The following IER5 variants were observed in gnomAD, a reference collection of about 807,000 sequenced individuals.
IER5 encodes immediate early response gene 5 protein.
IER5 carries 3 observed loss-of-function variants against 8.2 expected under a neutral mutation model. That is an observed-to-expected ratio of 0.36 (90% CI 0.17 to 0.94). The LOEUF is 0.94. Ranked by LOEUF, IER5 falls within the 40% of genes least tolerant of loss-of-function variation. The pLI, the probability that IER5 is intolerant of heterozygous loss-of-function variation, is 0.43. For synonymous variants in IER5, 286 were observed against 230.1 expected (o/e 1.24, Z -2.20); for missense variants, 531 against 494.3 (o/e 1.07, Z -0.70).
In IER5 at chr1:181,089,696, A is replaced by G; in HGVS notation, c.794A>G (p.Asn265Ser). The change falls in exon 1 of 1, where the codon AAC becomes AGC. Residue 265 changes from asparagine to serine, a missense_variant. Asn to Ser is a conservative substitution (Grantham distance 46, BLOSUM62 1). Transcript: ENST00000367577. ...GACGCGGAGGAGATGGAGACCGGGA[A>G]CGTGGCTAACCTCATCAGCATCTTC... ...DDDAEEMETG[N>S]VANLISIFGS... 6.2e-7 allele frequency: 1 copy of G among 1,613,570 alleles called. No individual in the cohort carries two copies. The highest frequency in any genetic ancestry group is 8.5e-7 in the Non-Finnish European group (1 of 1,179,960).
In IER5 at chr1:181,089,859, C is replaced by T; in HGVS notation, c.957C>T (p.Pro319=). The change falls in exon 1 of 1, where the codon CCC becomes CCT. Residue 319 remains proline, a synonymous_variant. Coordinates refer to ENST00000367577, the MANE Select transcript of IER5 (RefSeq NM_016545.5). ...AGCCGGTGCTGAGAGACATGAACCC[C>T]TGGAGCACAGCCATCGTGGCCTTCT... ...CDKPVLRDMN[P]WSTAIVAF 6.2e-7 allele frequency: 1 copy of T among 1,613,070 alleles called. No individual in the cohort carries two copies. The highest frequency in any genetic ancestry group is 8.5e-7 in the Non-Finnish European group (1 of 1,179,828).
In IER5 at chr1:181,088,822, C is replaced by A; in HGVS notation, c.-81C>A. The A allele has an allele frequency of 8.6e-7, 1 of 1,157,498 alleles. No individual in the cohort carries two copies. 71.7% of individuals were successfully genotyped at this position (1,157,498 alleles called of 1,614,324 possible). A position where few individuals can be genotyped will look rare whatever the true frequency, so the allele number is the denominator to read the frequency against. On this transcript the variant is annotated 5_prime_UTR_variant, in exon 1 of 1. Coordinates refer to ENST00000367577, the MANE Select transcript of IER5 (RefSeq NM_016545.5). The stretch of plus-strand genomic sequence containing the variant: ...GGTGATCGAGGGTGTGCCCAGGGGG[C>A]GGACTTGTTTGCGCCTCCCGTTCCC...
In IER5 at chr1:181,089,013, G is replaced by T; in HGVS notation, c.111G>T (p.Ser37=). Reference sequence around the variant, plus strand: ...AGCTGCATAAGAACCTCCTGGTCTCGCTGGTGCTGCGCAGCGCCCGCCAAG... The same window carrying T: ...AGCTGCATAAGAACCTCCTGGTCTCTCTGGTGCTGCGCAGCGCCCGCCAAG... ...GIKLHKNLLV[S]LVLRSARQVY... Residue 37 remains serine (S), a synonymous_variant, in exon 1 of 1, where the codon TCG becomes TCT. Transcript: ENST00000367577. The T allele has an allele frequency of 6.2e-7, 1 of 1,612,428 alleles. No homozygotes were observed. The highest frequency in any genetic ancestry group is 1.1e-5 in the South Asian group (1 of 91,014).
In IER5 at chr1:181,088,845, C is replaced by A. The variant is rs1659391373; in HGVS notation, c.-58C>A. 1.3e-6 allele frequency: 2 copies of A among 1,483,852 alleles called. No individual in the cohort carries two copies. The highest frequency in any genetic ancestry group is 1.8e-5 in the Admixed American group (1 of 54,774). The allele number at this position is 1,483,852 out of a possible 1,614,324, so 91.9% of individuals were successfully genotyped here. ...GGCGGACTTGTTTGCGCCTCCCGTT[C>A]CCTCCCAATTTCCAAACGTGTCACC... On this transcript the variant is annotated 5_prime_UTR_variant, in exon 1 of 1. Transcript: ENST00000367577.
chr1:181,088,725 G>C lies in IER5; in HGVS notation c.-178G>C, dbSNP rs959555785. On this transcript the variant is annotated 5_prime_UTR_variant, in exon 1 of 1. Transcript: ENST00000367577. ...GTTTAGCGACCGGACCCGAAACGGG[G>C]AAGTTGTCTTGTTTGGAGAGGTTAG... is the stretch of plus-strand genomic sequence containing the variant. 4 of 610,492 alleles carry C rather than the reference G, an allele frequency of 6.6e-6. No homozygotes were observed. The highest frequency in any genetic ancestry group is 3.8e-5 in the African/African-American group (2 of 52,044). 37.8% of individuals were successfully genotyped at this position (610,492 alleles called of 1,614,324 possible).
At position 181,089,400 on chromosome 1, in the gene IER5, C is replaced by G. The variant is rs1659411003; in HGVS notation, c.498C>G (p.Pro166=). The G allele has an allele frequency of 2.8e-6, 4 of 1,453,842 alleles. No homozygotes were observed. The highest frequency in any genetic ancestry group is 2.6e-5 in the Admixed American group (1 of 37,774). The allele number at this position is 1,453,842 out of a possible 1,614,324, so 90.1% of individuals were successfully genotyped here. ...EGTAGGWGVF[P]EVSRAARRPC... Reference sequence around the variant, plus strand: ...CCGCCGGAGGCTGGGGCGTCTTCCCCGAGGTATCTCGTGCCGCGCGCCGCC... The same window carrying G: ...CCGCCGGAGGCTGGGGCGTCTTCCCGGAGGTATCTCGTGCCGCGCGCCGCC... The change falls in exon 1 of 1, where the codon CCC becomes CCG. Residue 166 remains proline, a synonymous_variant. Transcript: ENST00000367577.
In IER5 at chr1:181,089,115, G is replaced by C; in HGVS notation, c.213G>C (p.Gln71His). The C allele has an allele frequency of 1.4e-6, 2 of 1,418,396 alleles. No homozygotes were observed. Among genetic ancestry groups the C allele is most frequent in the Middle Eastern group, 2.5e-4 (1 of 3,960 alleles). The allele number at this position is 1,418,396 out of a possible 1,614,324, so 87.9% of individuals were successfully genotyped here. ...CCCCGGCGCCGCCACCGCAGCAGCA[G>C]CCCGGGGAGCCGGCGGCCGGGCCAC... ...AGTPAPPPQQ[Q>H]PGEPAAGPPA... Residue 71 changes from glutamine to histidine, a missense_variant, in exon 1 of 1, where the codon CAG (glutamine) becomes CAC (histidine). Gln to His is a conservative substitution (Grantham distance 24). Coordinates refer to ENST00000367577, the MANE Select transcript of IER5 (RefSeq NM_016545.5).
chr1:181,088,846 C>A lies in IER5; in HGVS notation c.-57C>A. The A allele has an allele frequency of 2.5e-6, 4 of 1,598,168 alleles. No homozygotes were observed. Among genetic ancestry groups the A allele is most frequent in the Non-Finnish European group, 3.4e-6 (4 of 1,171,920 alleles). ...GCGGACTTGTTTGCGCCTCCCGTTC[C>A]CTCCCAATTTCCAAACGTGTCACCC... On this transcript the variant is annotated 5_prime_UTR_variant, in exon 1 of 1. Transcript: ENST00000367577.
In IER5 at chr1:181,090,145, A is replaced by T. The variant is rs1163311371; in HGVS notation, c.*259A>T. The T allele has an allele frequency of 3.6e-6, 2 of 550,052 alleles. No homozygotes were observed. The highest frequency in any genetic ancestry group is 6.5e-6 in the Non-Finnish European group (2 of 305,566). 34.1% of individuals were successfully genotyped at this position (550,052 alleles called of 1,614,324 possible). The stretch of plus-strand genomic sequence containing the variant: ...TGTGTATGTAAGTTTGTCTTGTGGC[A>T]TTAAGACTATTTTGCTCTTCTGGAA... On this transcript the variant is annotated 3_prime_UTR_variant, in exon 1 of 1. Coordinates refer to ENST00000367577, the MANE Select transcript of IER5 (RefSeq NM_016545.5).
chr1:181,089,974 A>T lies in IER5; in HGVS notation c.*88A>T, dbSNP rs1659431800. Reference sequence around the variant, plus strand: ...CCTTCCCGGCTGCGAGGACGCCCAGAGACCGCGGGCGCTGAGCGCGTTGGG... The same window carrying T: ...CCTTCCCGGCTGCGAGGACGCCCAGTGACCGCGGGCGCTGAGCGCGTTGGG... On this transcript the variant is annotated 3_prime_UTR_variant, in exon 1 of 1. Coordinates refer to ENST00000367577, the MANE Select transcript of IER5 (RefSeq NM_016545.5). 1 of 1,515,648 alleles carries T rather than the reference A, an allele frequency of 6.6e-7. No individual in the cohort carries two copies. Among genetic ancestry groups the T allele is most frequent in the Non-Finnish European group, 8.9e-7 (1 of 1,128,556 alleles). The allele number at this position is 1,515,648 out of a possible 1,614,324, so 93.9% of individuals were successfully genotyped here.
rs753063455 is a variant in IER5 at position 181,089,208 on chromosome 1, G to C, written c.306G>C (p.Pro102=). Residue 102 remains proline (P), a synonymous_variant, in exon 1 of 1, where the codon CCG becomes CCC. Coordinates refer to ENST00000367577, the MANE Select transcript of IER5 (RefSeq NM_016545.5). ...RASWPETEPQ[P]ERSSVSDAPR... ...CTTGGCCGGAGACCGAGCCGCAGCC[G>C]GAGCGCTCCTCCGTCTCAGACGCGC... 2.6e-5 allele frequency: 40 copies of C among 1,536,006 alleles called. No homozygotes were observed. Among genetic ancestry groups the C allele is most frequent in the African/African-American group, 4.3e-5 (3 of 70,130 alleles).
At position 181,091,836 on chromosome 1, in the gene IER5, C is replaced by T. The variant is rs907557399; in HGVS notation, c.*1950C>T. Reference sequence around the variant, plus strand: ...GGTCATAGCCTTCGAGCATAAGAGGCATATGAATGGTGTCTTGGCCTTAAC... The same window carrying T: ...GGTCATAGCCTTCGAGCATAAGAGGTATATGAATGGTGTCTTGGCCTTAAC... On this transcript the variant is annotated 3_prime_UTR_variant, in exon 1 of 1. Transcript: ENST00000367577. The T allele has an allele frequency of 6.6e-6, 1 of 152,168 alleles. No homozygotes were observed. Among genetic ancestry groups the T allele is most frequent in the African/African-American group, 2.4e-5 (1 of 41,438 alleles). 9.4% of individuals were successfully genotyped at this position (152,168 alleles called of 1,614,324 possible).
At position 181,089,806 on chromosome 1, in the gene IER5, G is replaced by A. The variant is rs1327385453; in HGVS notation, c.904G>A (p.Ala302Thr). The part of the protein sequence containing the change: ...EEGEESGPEA[A>T]EPGQICCDKP... ...GGGAGAGGAGAGCGGTCCGGAAGCC[G>A]CCGAGCCCGGGCAGATCTGCTGCGA... Residue 302 changes from alanine (A) to threonine (T), a missense_variant, in exon 1 of 1, where the codon GCC becomes ACC. Transcript: ENST00000367577. The A allele has an allele frequency of 9.3e-6, 15 of 1,613,488 alleles. No homozygotes were observed. The highest frequency in any genetic ancestry group is 5.3e-5 in the African/African-American group (4 of 74,938).
chr1:181,089,220 C>T lies in IER5; in HGVS notation c.318C>T (p.Ser106=), dbSNP rs533868636. ...PETEPQPERS[S]VSDAPRVGDE... ...CCGAGCCGCAGCCGGAGCGCTCCTC[C>T]GTCTCAGACGCGCCGCGGGTAGGGG... The change falls in exon 1 of 1, where the codon TCC becomes TCT. Residue 106 remains serine (S), a synonymous_variant. Coordinates refer to ENST00000367577, the MANE Select transcript of IER5 (RefSeq NM_016545.5). The T allele has an allele frequency of 1.0e-5, 16 of 1,541,844 alleles. No individual in the cohort carries two copies. The highest frequency in any genetic ancestry group is 1.9e-5 in the Admixed American group (1 of 51,292).
Position 181,089,436 on chromosome 1 carries a change from C to T in IER5, c.534C>T (p.Cys178=), listed in dbSNP as rs1249483878. The T allele has an allele frequency of 2.2e-6, 3 of 1,388,832 alleles. No homozygotes were observed. Among genetic ancestry groups the T allele is most frequent in the East Asian group, 6.2e-5 (2 of 32,426 alleles). 86.0% of individuals were successfully genotyped at this position (1,388,832 alleles called of 1,614,324 possible). Residue 178 remains cysteine (C), a synonymous_variant, in exon 1 of 1, where the codon TGC becomes TGT. Transcript: ENST00000367577. The part of the protein sequence containing the change: ...VSRAARRPCG[C]PLGGEDPPGT... ...GTGCCGCGCGCCGCCCCTGCGGCTG[C>T]CCCCTAGGCGGGGAGGACCCGCCGG... is the stretch of plus-strand genomic sequence containing the variant.
chr1:181,090,041 C>T lies in IER5; in HGVS notation c.*155C>T. ...GGGCATCGCAAACTGCCCCCGGGCG[C>T]ATCTGGCTTATCTGGAGACCTGGGA... is the stretch of plus-strand genomic sequence containing the variant. On this transcript the variant is annotated 3_prime_UTR_variant, in exon 1 of 1. Coordinates refer to ENST00000367577, the MANE Select transcript of IER5 (RefSeq NM_016545.5). 4.4e-6 allele frequency: 4 copies of T among 911,062 alleles called. No homozygotes were observed. The South Asian group carries it at 4.9e-5, about 11-fold the overall frequency. The allele number at this position is 911,062 out of a possible 1,614,324, so 56.4% of individuals were successfully genotyped here. A position where few individuals can be genotyped will look rare whatever the true frequency, so the allele number is the denominator to read the frequency against.
Position 181,089,978 on chromosome 1 carries a change from C to G in IER5, c.*92C>G, listed in dbSNP as rs1209392076. On this transcript the variant is annotated 3_prime_UTR_variant, in exon 1 of 1. Coordinates refer to ENST00000367577, the MANE Select transcript of IER5 (RefSeq NM_016545.5). ...CCCGGCTGCGAGGACGCCCAGAGAC[C>G]GCGGGCGCTGAGCGCGTTGGGCAGA... The G allele has an allele frequency of 1.3e-5, 20 of 1,504,402 alleles. No individual in the cohort carries two copies. Among genetic ancestry groups the G allele is most frequent in the Non-Finnish European group, 1.7e-5 (19 of 1,120,444 alleles). 93.2% of individuals were successfully genotyped at this position (1,504,402 alleles called of 1,614,324 possible).
In IER5 at chr1:181,090,094, C is replaced by G. The variant is rs149573653; in HGVS notation, c.*208C>G. ...TTGAGGCTCATTGGAAGAGGACGAT[C>G]GTTAACTTTTGTGTTTGTGTATGTC... On this transcript the variant is annotated 3_prime_UTR_variant, in exon 1 of 1. Coordinates refer to ENST00000367577, the MANE Select transcript of IER5 (RefSeq NM_016545.5). 2 of 632,626 alleles carry G rather than the reference C, an allele frequency of 3.2e-6. No individual in the cohort carries two copies. The highest frequency in any genetic ancestry group is 4.3e-4 in the Middle Eastern group (1 of 2,328). The allele number at this position is 632,626 out of a possible 1,614,324, so 39.2% of individuals were successfully genotyped here. A position where few individuals can be genotyped will look rare whatever the true frequency, so the allele number is the denominator to read the frequency against.
chr1:181,088,988 A>G lies in IER5; in HGVS notation c.86A>G (p.Lys29Arg), dbSNP rs778561281. ...TCGCGGGTCCAGCGCGGCGGCATCA[A>G]GCTGCATAAGAACCTCCTGGTCTCG... ...YNSRVQRGGI[K>R]LHKNLLVSLV... The change falls in exon 1 of 1, where the codon AAG (lysine) becomes AGG (arginine). Residue 29 changes from lysine to arginine, a missense_variant. By Grantham distance (26) the Lys-to-Arg change is conservative (BLOSUM62 2). Transcript: ENST00000367577. 24 of 1,613,420 alleles carry G rather than the reference A, an allele frequency of 1.5e-5. No homozygotes were observed. In the Middle Eastern group the frequency reaches 1.5e-3, roughly 100 times the overall value.
Sources: gnomAD v4.1 joint callset for allele counts on GRCh38, gnomAD v4.1.1 for gene constraint, MANE v1.5 for transcripts, NCBI Gene and HGNC (gene_info 2026-07-23, HGNC 2026-07-21) for gene names.